EXOC6B: variants seen among roughly 807,000 people sequenced by gnomAD.
EXOC6B encodes the protein exocyst complex component 6B, also known as SEC15 homolog B.
A neutral mutation model predicts 113.5 loss-of-function variants in EXOC6B; 54 were observed. That is an observed-to-expected ratio of 0.48 (90% CI 0.38 to 0.60). The LOEUF (loss-of-function observed/expected upper bound fraction) is 0.60, where lower values mean the gene tolerates loss of function less well. Ranked by LOEUF, EXOC6B falls within the 20% of genes least tolerant of loss-of-function variation. EXOC6B has a pLI of 0.00. For synonymous variants in EXOC6B, 357 were observed against 339.0 expected (o/e 1.05, Z -0.58); for missense variants, 797 against 977.5 (o/e 0.82, Z 2.46).
rs1686828065 is a variant in EXOC6B, at chr2:72,825,189, T to G, written c.113+609A>C. Among the ~76,000 whole-genome samples the G allele has an allele frequency of 6.6e-6, 1 of 151,936 alleles. No individual in the cohort carries two copies. The highest frequency in any genetic ancestry group is 1.5e-5 in the Non-Finnish European group (1 of 67,986). On this transcript the variant is annotated intron_variant, in intron 1 of 21. Transcript: ENST00000272427. This position sits in a 1 kb window ranked among gnomAD's most constrained non-coding sequence, Gnocchi z 4.4. Reference sequence around the variant, plus strand: ...ACTGGGGGGCGGCAGCAGGGTCAGTTTTCCCCAGCGATGAGGAGGCTGCAC... The same window carrying G: ...ACTGGGGGGCGGCAGCAGGGTCAGTGTTCCCCAGCGATGAGGAGGCTGCAC...
intron 20 of EXOC6B, among the ~76,000 whole-genome samples, chr2:72,285,909 A>G (rs1203937702): frequency 6.6e-6 from 1 of 152,178 alleles, no homozygotes; most frequent in Non-Finnish European, 1.5e-5. Flanking sequence ...ATATGTCCTC[A>G]GGGAAATGCA....
At chr2:72,201,347 G>A (rs1572988752) in intron 20 of EXOC6B, among the ~76,000 whole-genome samples, 1 of 152,250 alleles carries the variant, frequency 6.6e-6, no homozygotes, top group Admixed American at 6.5e-5. Flanking sequence ...ATGGGGTGTT[G>A]CTTGTGCCCA....
rs370479604 is a variant in EXOC6B, at chr2:72,544,458, A to C, written c.915+14995T>G. On this transcript the variant is annotated intron_variant, in intron 8 of 21. Coordinates refer to ENST00000272427, the MANE Select transcript of EXOC6B (RefSeq NM_015189.3). Reference sequence around the variant, plus strand: ...CTCTTACAAAGCAGCTTTTCTTTAGATCTACTAAATTAGAAACTTTTTGAG... The same window carrying C: ...CTCTTACAAAGCAGCTTTTCTTTAGCTCTACTAAATTAGAAACTTTTTGAG... 1.4e-4 allele frequency among the ~76,000 whole-genome samples: 22 copies of C among 152,156 alleles called. 2 individuals are homozygous for C. Among genetic ancestry groups the C allele is most frequent in the African/African-American group, 4.6e-4 (19 of 41,542 alleles).
At chr2:72,280,247 A>T (rs1383068547) in intron 20 of EXOC6B, among the ~76,000 whole-genome samples, 2 of 152,008 alleles carry the variant, frequency 1.3e-5, no homozygotes, top group Admixed American at 1.3e-4. Context: ...ATCAGTGATG[A>T]AGCAGGCATC....
At chr2:72,543,550 C>T (rs1037781914) in intron 8 of EXOC6B, among the ~76,000 whole-genome samples, 1 of 152,078 alleles carries the variant, frequency 6.6e-6, no homozygotes, top group Non-Finnish European at 1.5e-5. Flanking sequence ...TCTCTTTTTC[C>T]CCCGCCTTGT....
At chr2:72,526,220 T>C (rs1701740059) in intron 8 of EXOC6B, among the ~76,000 whole-genome samples, 1 of 151,918 alleles carries the variant, frequency 6.6e-6, no homozygotes, top group Non-Finnish European at 1.5e-5. Context: ...AAAATGTAAA[T>C]TAAAATAATA....
rs368249169 is a variant in EXOC6B at position 72,406,756 on chromosome 2, G to T, written c.1981-26886C>A. Among the ~76,000 whole-genome samples, 5 of 152,160 alleles carry T rather than the reference G, an allele frequency of 3.3e-5. No homozygotes were observed. The East Asian group carries it at 5.8e-4, about 18-fold the overall frequency. Reference sequence around the variant, plus strand: ...AATGCCCACAAGAGAAAGCAGGAAAGATCTAAAATGGACACCCTAACATCA... The same window carrying T: ...AATGCCCACAAGAGAAAGCAGGAAATATCTAAAATGGACACCCTAACATCA... On this transcript the variant is annotated intron_variant, in intron 18 of 21. Transcript: ENST00000272427.
chr2:72,222,697 G>A (rs772123456), intron 20 of EXOC6B, among the ~76,000 whole-genome samples: 4 of 152,074 alleles, frequency 2.6e-5, no homozygotes, highest in African/African-American at 4.8e-5. Flanking sequence ...CATGCAGCTG[G>A]TGGGCTACAT....
intron 18 of EXOC6B, among the ~76,000 whole-genome samples, chr2:72,458,919 CACA>C (rs917252960): frequency 5.3e-5 from 8 of 152,168 alleles, no homozygotes; most frequent in African/African-American, 1.7e-4. Flanking sequence ...AGTAATTAAA[CACA>C]ACAATTCTTG....
intron 11 of EXOC6B, among the ~76,000 whole-genome samples, chr2:72,511,092 T>A (rs546023711): frequency 6.6e-6 from 1 of 152,170 alleles, no homozygotes; most frequent in African/African-American, 2.4e-5. Flanking sequence ...TAAACTTAAG[T>A]ATTATCAGAT....
intron 20 of EXOC6B, among the ~76,000 whole-genome samples, chr2:72,241,269 T>C (rs1173138133): frequency 1.3e-5 from 2 of 152,110 alleles, no homozygotes; most frequent in Non-Finnish European, 2.9e-5. Flanking sequence ...AGACTGTATA[T>C]GGCTAAGGAA....
chr2:72,743,017 C>A (rs1681428237), intron 1 of EXOC6B, among the ~76,000 whole-genome samples: 2 of 152,192 alleles, frequency 1.3e-5, no homozygotes, highest in Admixed American at 6.5e-5. Flanking sequence ...CTACCCATCC[C>A]ATCACAGCTA....
At chr2:72,221,092 A>G (rs1414517323) in intron 20 of EXOC6B, among the ~76,000 whole-genome samples, 3 of 152,192 alleles carry the variant, frequency 2.0e-5, no homozygotes, top group Non-Finnish European at 4.4e-5. Flanking sequence ...CAAACCATGT[A>G]TTTGTAGCCA....
chr2:72,210,571 G>T (rs540796538), intron 20 of EXOC6B, among the ~76,000 whole-genome samples: 3 of 152,212 alleles, frequency 2.0e-5, no homozygotes, highest in Admixed American at 6.5e-5. Context: ...TAAGGGACTA[G>T]GTGTTTTCCA....
At chr2:72,764,668 C>CT (rs1310080053) in intron 1 of EXOC6B, among the ~76,000 whole-genome samples, 14 of 152,078 alleles carry the variant, frequency 9.2e-5, no homozygotes, top group African/African-American at 3.4e-4. Flanking sequence ...GCCTGACCCC[C>CT]TTACTTTCTC....
chr2:72,521,464 T>TA (rs1490293900), intron 8 of EXOC6B, among the ~76,000 whole-genome samples: 4 of 152,118 alleles, frequency 2.6e-5, no homozygotes, highest in African/African-American at 7.2e-5. Flanking sequence ...GTGGGAAAGG[T>TA]AAAAAATATC....
intron 18 of EXOC6B, among the ~76,000 whole-genome samples, chr2:72,417,614 T>C (rs1250849870): frequency 3.3e-5 from 5 of 152,182 alleles, no homozygotes; most frequent in Non-Finnish European, 5.9e-5. Flanking sequence ...TCCAGCATAC[T>C]CTTTAATTTT....
intron 6 of EXOC6B, among the ~76,000 whole-genome samples, chr2:72,686,955 A>ATG (rs1677132318): frequency 1.3e-5 from 2 of 152,014 alleles, no homozygotes; most frequent in African/African-American, 4.8e-5. Context: ...TGCCTAAGAC[A>ATG]GTGAAACCCC....
At chr2:72,754,116 G>A (rs1323606896) in intron 1 of EXOC6B, among the ~76,000 whole-genome samples, 1 of 151,878 alleles carries the variant, frequency 6.6e-6, no homozygotes, top group Non-Finnish European at 1.5e-5. Flanking sequence ...CAAACTCCTG[G>A]GCTCAAGCAA....
Sources: gnomAD v4.1 joint callset for allele counts (sites outside exome capture counted in the v4.1 genomes callset) on GRCh38, gnomAD v4.1.1 for gene constraint, Gnocchi (gnomAD v3.1) non-coding constraint, MANE v1.5 for transcripts, NCBI Gene and HGNC (gene_info 2026-07-23, HGNC 2026-07-21) for gene names.